DSN1: variants seen among roughly 807,000 people sequenced by gnomAD.
DSN1 encodes DSN1 component of MIS12 kinetochore complex, also known as kinetochore-associated protein DSN1 homolog.
Under a neutral mutation model 45.7 loss-of-function variants are expected in DSN1, and 31 were observed. The observed-to-expected ratio is 0.68, with a 90% CI of 0.51 to 0.92. DSN1 has a LOEUF of 0.92. DSN1 is among the 40% of genes least tolerant of loss of function. DSN1 has a pLI of 0.00. For synonymous variants in DSN1, 134 were observed against 142.3 expected (o/e 0.94, Z 0.41); for missense variants, 394 against 414.2 (o/e 0.95, Z 0.42).
chr20:36,753,930 C>T (rs1384712203), intron 10 of DSN1, among the ~76,000 whole-genome samples: 4 of 151,496 alleles, frequency 2.6e-5, no homozygotes, highest in African/African-American at 7.3e-5. Flanking sequence ...CCCTTGAACC[C>T]GGGAAGCAGA....
chr20:36,754,330 G>C (rs1986551206), intron 10 of DSN1, among the ~76,000 whole-genome samples: 1 of 151,838 alleles, frequency 6.6e-6, no homozygotes, highest in South Asian at 2.1e-4. Flanking sequence ...CAAAGCGAGA[G>C]ACTTTGCCCC....
At chr20:36,763,817 G>A (rs1987152641) in intron 5 of DSN1, among the ~76,000 whole-genome samples, 1 of 149,468 alleles carries the variant, frequency 6.7e-6, no homozygotes, top group African/African-American at 2.5e-5. Context: ...AACCTGGGAG[G>A]CGGAGGTTGC....
intron 1 of DSN1, among the ~76,000 whole-genome samples, chr20:36,773,010 T>C (rs1413515275): frequency 6.6e-6 from 1 of 152,170 alleles, no homozygotes; most frequent in Non-Finnish European, 1.5e-5. Flanking sequence ...AGTAAAAAGA[T>C]ATGAATATAT....
intron 1 of DSN1, among the ~76,000 whole-genome samples, chr20:36,771,976 G>T (rs1006036962): frequency 6.6e-6 from 1 of 152,154 alleles, no homozygotes; most frequent in Non-Finnish European, 1.5e-5. Context: ...CTCCTCCCCA[G>T]TTCAGGTGAT....
At position 36,762,557 on chromosome 20, in the gene DSN1, C is replaced by A. The variant is rs1312527631; in HGVS notation, c.503-9G>T. On this transcript the variant is annotated splice_polypyrimidine_tract_variant and intron_variant, in intron 5 of 10. Transcript: ENST00000373750. ...TTCAGAAAGAGAAGATGCTAGACAG[C>A]ACAAATTTACGTGTCATAAAATAAA... is the stretch of plus-strand genomic sequence containing the variant. 2 of 1,609,666 alleles carry A rather than the reference C, an allele frequency of 1.2e-6. No individual in the cohort carries two copies.
chr20:36,759,549 T>C (rs1334128868), intron 6 of DSN1, among the ~76,000 whole-genome samples: 1 of 151,980 alleles, frequency 6.6e-6, no homozygotes, highest in Non-Finnish European at 1.5e-5. Flanking sequence ...AGTGGCGCAA[T>C]CTTGGCTCAC....
chr20:36,773,476 T>C, intron 1 of DSN1, 186 bp downstream of exon 1: 2 of 985,546 alleles, frequency 2.0e-6, no homozygotes, highest in South Asian at 9.4e-5. Flanking sequence ...CGGGTTTCAT[T>C]TCACCCGGGA....
chr20:36,768,007 T>C lies in DSN1; in HGVS notation c.391A>G (p.Ser131Gly). The C allele has an allele frequency of 6.2e-7, 1 of 1,614,156 alleles. No individual in the cohort carries two copies. Among genetic ancestry groups the C allele is most frequent in the South Asian group, 1.1e-5 (1 of 91,084 alleles). Residue 131 changes from serine (S) to glycine (G), a missense_variant, in exon 4 of 11, where the codon AGC becomes GGC. By Grantham distance (56) the Ser-to-Gly change is moderately conservative. Transcript: ENST00000373750. ...SRSISVDLAE[S>G]KRLGCLLLSS... ...AGCAGGAGACAGCCAAGCCGTTTGC[T>C]TTCTGCTAAATCGACACTGATAGAC...
chr20:36,755,717 T>A lies in DSN1; in HGVS notation c.838A>T (p.Asn280Tyr). 6.2e-7 allele frequency: 1 copy of A among 1,614,032 alleles called. No homozygotes were observed. The highest frequency in any genetic ancestry group is 8.5e-7 in the Non-Finnish European group (1 of 1,180,000). Residue 280 changes from asparagine to tyrosine, a missense_variant, in exon 9 of 11, where the codon AAC (asparagine) becomes TAC (tyrosine). Asn to Tyr is a moderately radical substitution (Grantham distance 143). Coordinates refer to ENST00000373750, the MANE Select transcript of DSN1 (RefSeq NM_001145315.2). ...ATACAGTCAAAGACTTTGCTCTGGT[T>A]CTGTAATATTTTCTGGTAGTCAGGT... ...TKPDYQKILQ[N>Y]QSKVFDCMEL...
chr20:36,760,162 T>C (rs956066906), intron 6 of DSN1, among the ~76,000 whole-genome samples: 5 of 151,982 alleles, frequency 3.3e-5, no homozygotes, highest in Non-Finnish European at 7.4e-5. Context: ...GAGAATTGCT[T>C]GAGCCCAGGA....
intron 10 of DSN1, among the ~76,000 whole-genome samples, chr20:36,753,239 GA>G (rs1204392706): frequency 6.6e-6 from 1 of 151,540 alleles, no homozygotes; most frequent in East Asian, 1.9e-4. Context: ...AACTACATGG[GA>G]GGCAAGAGGA....
intron 4 of DSN1, among the ~76,000 whole-genome samples, chr20:36,767,459 T>C (rs1192947334): frequency 6.6e-6 from 1 of 152,056 alleles, no homozygotes; most frequent in African/African-American, 2.4e-5. Flanking sequence ...GGTAGCCACA[T>C]AATACACAAT....
chr20:36,771,362 T>C, intron 2 of DSN1, 63 bp downstream of exon 2: 1 of 1,558,814 alleles, frequency 6.4e-7, no homozygotes, highest in Non-Finnish European at 8.8e-7. Flanking sequence ...CAGGAAAGAT[T>C]TGGGTATAGC....
intron 3 of DSN1, among the ~76,000 whole-genome samples, 176 bp downstream of exon 3, chr20:36,770,697 A>T (rs1440099274): frequency 6.6e-6 from 1 of 152,200 alleles, no homozygotes; most frequent in Non-Finnish European, 1.5e-5. Context: ...TGTCTCTTAA[A>T]AAGAAATAGC....
In DSN1 at chr20:36,752,605, C is replaced by G; in HGVS notation, c.*183G>C. The G allele has an allele frequency of 2.1e-6, 1 of 484,800 alleles. No homozygotes were observed. The highest frequency in any genetic ancestry group is 3.7e-6 in the Non-Finnish European group (1 of 273,166). 30.0% of individuals were successfully genotyped at this position (484,800 alleles called of 1,614,324 possible). A position where few individuals can be genotyped will look rare whatever the true frequency, so the allele number is the denominator to read the frequency against. ...TTTTGCACATTCCTGGGAAAATTGT[C>G]TATACAATATTCATTTGGATGTACA... On this transcript the variant is annotated 3_prime_UTR_variant, in exon 11 of 11. Transcript: ENST00000373750.
At chr20:36,759,063 AC>A (rs1362576563) in intron 6 of DSN1, among the ~76,000 whole-genome samples, 1 of 151,860 alleles carries the variant, frequency 6.6e-6, no homozygotes, top group African/African-American at 2.4e-5. Context: ...GCTTGCTGCA[AC>A]CTCTGCCTCC....
chr20:36,768,035 G>C lies in DSN1; in HGVS notation c.363C>G (p.Ser121Arg), dbSNP rs1987443407. ...CTGCTAAATCGACACTGATAGACCGGCTGAGCTCTAACATAAAACATAGCC... is the reference window on the plus strand; with the variant it reads ...CTGCTAAATCGACACTGATAGACCGCCTGAGCTCTAACATAAAACATAGCC... Reference protein sequence around the residue: ...HPIHQGITELSRSISVDLAES... With the variant: ...HPIHQGITELRRSISVDLAES... Residue 121 changes from serine to arginine, a missense_variant, in exon 4 of 11, where the codon AGC (serine) becomes AGG (arginine). By Grantham distance (110) the Ser-to-Arg change is moderately radical. Transcript: ENST00000373750. The C allele has an allele frequency of 6.2e-7, 1 of 1,614,048 alleles. No homozygotes were observed. The highest frequency in any genetic ancestry group is 1.3e-5 in the African/African-American group (1 of 75,040).
intron 10 of DSN1, among the ~76,000 whole-genome samples, chr20:36,754,318 G>A (rs553637375): frequency 6.6e-6 from 1 of 152,044 alleles, no homozygotes; most frequent in South Asian, 2.1e-4. Flanking sequence ...CAACCTGGAT[G>A]ACAAAGCGAG....
chr20:36,769,822 T>C (rs1490609858), intron 3 of DSN1, among the ~76,000 whole-genome samples: 1 of 151,858 alleles, frequency 6.6e-6, no homozygotes, highest in African/African-American at 2.4e-5. Flanking sequence ...TGCTAAGATA[T>C]AGTTACTATT....
Sources: allele counts gnomAD v4.1 joint callset (sites outside exome capture counted in the v4.1 genomes callset), GRCh38; gene constraint gnomAD v4.1.1; transcripts MANE v1.5; gene names NCBI Gene and HGNC (gene_info 2026-07-23, HGNC 2026-07-21).